Variants in CHST11 observed in about 807,000 individuals in gnomAD.
CHST11 encodes carbohydrate sulfotransferase 11.
Under a neutral mutation model 30.4 loss-of-function variants are expected in CHST11, and 9 were observed. The observed-to-expected ratio is 0.30, with a 90% CI of 0.18 to 0.52. The LOEUF (loss-of-function observed/expected upper bound fraction) is 0.52. Among genes scored for constraint, CHST11 ranks in the 20% least tolerant of loss-of-function variants. The pLI is 0.97. For missense variants in CHST11, 348 were observed against 460.6 expected (o/e 0.76, Z 2.24); for synonymous variants, 152 against 187.8 (o/e 0.81, Z 1.56).
intron 1 of CHST11, among the ~76,000 whole-genome samples, chr12:104,541,611 G>A (rs11610090): frequency 0.074 from 11,272 of 152,002 alleles, 497 homozygotes; most frequent in South Asian, 0.14. Context: ...CCCCCTGTTG[G>A]GCATAGGATA....
chr12:104,515,189 C>T (rs2038010478), intron 1 of CHST11, among the ~76,000 whole-genome samples: 1 of 151,942 alleles, frequency 6.6e-6, no homozygotes, highest in Admixed American at 6.6e-5. Flanking sequence ...ATTCAGATTT[C>T]AATGTCCTTA....
intron 2 of CHST11, among the ~76,000 whole-genome samples, chr12:104,751,615 TTTC>T (rs1051595304): frequency 5.6e-4 from 85 of 152,388 alleles, no homozygotes; most frequent in African/African-American, 2.0e-3. Flanking sequence ...CTTTTTCAGA[TTTC>T]TTTTTTCTTC....
Position 104,757,803 on chromosome 12 carries a change from A to G in CHST11, c.1059A>G (p.Ter353=), listed in dbSNP as rs1035380881. The G allele has an allele frequency of 4.4e-6, 7 of 1,609,138 alleles. No homozygotes were observed. Among genetic ancestry groups the G allele is most frequent in the Non-Finnish European group, 5.1e-6 (6 of 1,175,932 alleles). Reference sequence around the variant, plus strand: ...TGCCAAGCTACCTGAAATTGGAATAAAGGGGGTGGGGAGAGGGAGAGAATC... The same window carrying G: ...TGCCAAGCTACCTGAAATTGGAATAGAGGGGGTGGGGAGAGGGAGAGAATC... The part of the protein sequence containing the change: ...YSVPSYLKLE[*] Residue 353 remains the stop codon, a stop_retained_variant, in exon 3 of 3, where the codon TAA becomes TAG. Coordinates refer to ENST00000303694, the MANE Select transcript of CHST11 (RefSeq NM_018413.6). This position sits in a 1 kb window ranked among gnomAD's most constrained non-coding sequence, Gnocchi z 6.5.
chr12:104,693,212 A>C (rs987581408), intron 2 of CHST11, among the ~76,000 whole-genome samples: 82 of 152,300 alleles, frequency 5.4e-4, no homozygotes, highest in African/African-American at 1.8e-3. Context: ...TCCAAATCTT[A>C]TCTCCAAGTA....
At chr12:104,584,256 T>C (rs2038778641) in intron 1 of CHST11, among the ~76,000 whole-genome samples, 1 of 67,660 alleles carries the variant, frequency 1.5e-5, no homozygotes, top group African/African-American at 6.9e-5. Context: ...TTCTTTCTCT[T>C]TCTTCTTTTT....
At chr12:104,562,059 A>G (rs2038519426) in intron 1 of CHST11, among the ~76,000 whole-genome samples, 1 of 152,000 alleles carries the variant, frequency 6.6e-6, no homozygotes, top group African/African-American at 2.4e-5. Flanking sequence ...TGCTCTGGAT[A>G]TATCTAGTTT....
intron 1 of CHST11, among the ~76,000 whole-genome samples, chr12:104,573,265 G>A (rs1296593626): frequency 6.6e-5 from 10 of 152,078 alleles, no homozygotes; most frequent in Admixed American, 1.3e-4. Context: ...AATCAATATC[G>A]TGAAAATGGC....
At chr12:104,561,208 ATC>A (rs2038510754) in intron 1 of CHST11, among the ~76,000 whole-genome samples, 1 of 152,216 alleles carries the variant, frequency 6.6e-6, no homozygotes, top group East Asian at 1.9e-4. Flanking sequence ...ATGGGAGTTC[ATC>A]TCTCACTAAA....
In CHST11 at chr12:104,677,762, G is replaced by A. The variant is rs1592833838; in HGVS notation, c.204+75771G>A. On this transcript the variant is annotated intron_variant, in intron 2 of 2. Coordinates refer to ENST00000303694, the MANE Select transcript of CHST11 (RefSeq NM_018413.6). ...GGGTACCATGTTGCCAAGACGGGCG[G>A]TTAGAGATTCAATGGCAGAGGGCTA... 2.0e-5 allele frequency among the ~76,000 whole-genome samples: 3 copies of A among 152,366 alleles called. 1 individual carries two copies. The highest frequency in any genetic ancestry group is 2.0e-4 in the Admixed American group (3 of 15,310).
intron 1 of CHST11, among the ~76,000 whole-genome samples, chr12:104,484,711 C>A (rs150518667): frequency 6.6e-6 from 1 of 152,118 alleles, no homozygotes; most frequent in African/African-American, 2.4e-5. Flanking sequence ...TAAACAGGTA[C>A]CTATTTAGTA....
intron 2 of CHST11, among the ~76,000 whole-genome samples, chr12:104,691,594 T>A (rs2039897277): frequency 6.6e-6 from 1 of 151,752 alleles, no homozygotes; most frequent in Non-Finnish European, 1.5e-5. Flanking sequence ...TTCAAGCGAT[T>A]CTCCTGCCTC....
At chr12:104,626,916 T>TA (rs2039221375) in intron 2 of CHST11, among the ~76,000 whole-genome samples, 1 of 152,166 alleles carries the variant, frequency 6.6e-6, no homozygotes, top group Admixed American at 6.5e-5. Flanking sequence ...TTGTATATTC[T>TA]ACAGGTTTGG....
In CHST11 at chr12:104,549,279, T is replaced by C. The variant is rs566394501; in HGVS notation, c.119-52627T>C. Among the ~76,000 whole-genome samples, 24 of 152,282 alleles carry C rather than the reference T, an allele frequency of 1.6e-4. No individual in the cohort carries two copies. The South Asian group carries it at 2.9e-3, about 18-fold the overall frequency. On this transcript the variant is annotated intron_variant, in intron 1 of 2. Coordinates refer to ENST00000303694, the MANE Select transcript of CHST11 (RefSeq NM_018413.6). ...AAAGTTCCTTCATTATGGATCGACA[T>C]GCTCCTTTACATATCCTGCTGGGCT... is the stretch of plus-strand genomic sequence containing the variant.
intron 1 of CHST11, among the ~76,000 whole-genome samples, chr12:104,538,752 T>C (rs959026479): frequency 6.6e-6 from 1 of 152,244 alleles, no homozygotes; most frequent in Non-Finnish European, 1.5e-5. Flanking sequence ...TGCCAGTGCA[T>C]ATTCTAATTC....
intron 2 of CHST11, among the ~76,000 whole-genome samples, chr12:104,659,500 A>C (rs568956268): frequency 6.6e-6 from 1 of 152,168 alleles, no homozygotes; most frequent in Non-Finnish European, 1.5e-5. Flanking sequence ...GCTGCTGAGC[A>C]CTTGAAATGT....
chr12:104,598,869 C>G (rs537143137), intron 1 of CHST11, among the ~76,000 whole-genome samples: 1 of 150,392 alleles, frequency 6.6e-6, no homozygotes, highest in Non-Finnish European at 1.5e-5. Flanking sequence ...TCTGTATCCT[C>G]GTGGCCAGCT....
intron 2 of CHST11, chr12:104,602,260 C>T (rs2038963267): frequency 4.1e-6 from 2 of 493,498 alleles, no homozygotes; most frequent in Non-Finnish European, 3.6e-6. Context: ...TTAACAGTCT[C>T]AAGTTCGAGC....
chr12:104,598,983 G>A (rs1450116530), intron 1 of CHST11, among the ~76,000 whole-genome samples: 1 of 151,706 alleles, frequency 6.6e-6, no homozygotes, highest in Non-Finnish European at 1.5e-5. Context: ...CCTTGACCAT[G>A]GCCAAGTGCC....
chr12:104,726,201 C>G (rs2040215146), intron 2 of CHST11, among the ~76,000 whole-genome samples: 1 of 152,174 alleles, frequency 6.6e-6, no homozygotes, highest in Non-Finnish European at 1.5e-5. Context: ...TAATCAGAGA[C>G]TCTTTAATTC....
Sources: gnomAD v4.1 joint callset for allele counts (sites outside exome capture counted in the v4.1 genomes callset) on GRCh38, gnomAD v4.1.1 for gene constraint, Gnocchi (gnomAD v3.1) non-coding constraint, MANE v1.5 for transcripts, NCBI Gene and HGNC (gene_info 2026-07-23, HGNC 2026-07-21) for gene names.